The following SNX29 variants were observed in gnomAD, a reference collection of about 807,000 sequenced individuals.
SNX29 encodes the protein sorting nexin 29.
Under a neutral mutation model 102.1 loss-of-function variants are expected in SNX29, and 78 were observed. The ratio of observed to expected loss-of-function variants is 0.76; its 90% CI spans 0.64 to 0.92. The LOEUF is 0.92. Among genes scored for constraint, SNX29 ranks in the 40% least tolerant of loss-of-function variants. The probability of loss-of-function intolerance (pLI) is 0.00; values close to 1 mark genes in which losing one functional copy is unlikely to be tolerated. For synonymous variants in SNX29, 580 were observed against 414.5 expected, an observed-to-expected ratio of 1.40 and a Z score of -4.85; for missense variants, 1,280 against 1,061.7, an observed-to-expected ratio of 1.21 and a Z score of -2.86.
chr16:11,995,152 G>A (rs570055951), intron 1 of SNX29, among the ~76,000 whole-genome samples: 2 of 152,198 alleles, frequency 1.3e-5, no homozygotes, highest in Non-Finnish European at 1.5e-5. Context: ...TGTAACCTCC[G>A]TCTCCCAGGT....
chr16:12,390,146 A>AGGGG lies in SNX29; in HGVS notation c.1900-8299_1900-8296dup, dbSNP rs1482388851. 5.9e-3 allele frequency among the ~76,000 whole-genome samples: 675 copies of AGGGG among 113,662 alleles called. 8 individuals carry two copies. Among genetic ancestry groups the AGGGG allele is most frequent in the African/African-American group, 0.022 (643 of 28,958 alleles). The allele number at this position is 113,662 out of a possible 152,430, so 74.6% of individuals were successfully genotyped here. The stretch of plus-strand genomic sequence containing the variant: ...GCATGTTACCCCGTGCGTGCAATTG[A>AGGGG]GGGGTGTGTGTGTGTGTGTGTGTGT... On this transcript the variant is annotated intron_variant, in intron 16 of 20. Transcript: ENST00000566228.
At chr16:12,565,967 G>C (rs1301094951) in intron 20 of SNX29, among the ~76,000 whole-genome samples, 1 of 152,124 alleles carries the variant, frequency 6.6e-6, no homozygotes, top group Non-Finnish European at 1.5e-5. Context: ...TGACACTGTG[G>C]CTTTCCAAAC....
At chr16:12,432,632 G>C (rs1281601513) in intron 18 of SNX29, among the ~76,000 whole-genome samples, 1 of 152,234 alleles carries the variant, frequency 6.6e-6, no homozygotes, top group Non-Finnish European at 1.5e-5. Flanking sequence ...ACCTCCTGTA[G>C]GCCCAGGGGC....
At chr16:12,265,956 A>T (rs1467567418) in intron 14 of SNX29, among the ~76,000 whole-genome samples, 1 of 152,166 alleles carries the variant, frequency 6.6e-6, no homozygotes, top group African/African-American at 2.4e-5. Context: ...TATTTTTCTC[A>T]TGTTTAATTC....
chr16:12,200,436 A>G (rs1463474985), intron 14 of SNX29, among the ~76,000 whole-genome samples: 1 of 151,950 alleles, frequency 6.6e-6, no homozygotes, highest in Non-Finnish European at 1.5e-5. Context: ...AGACAAGCTC[A>G]TAGAGTGTGG....
chr16:12,455,948 G>T (rs1416635584), intron 18 of SNX29, among the ~76,000 whole-genome samples: 2 of 152,126 alleles, frequency 1.3e-5, no homozygotes, highest in African/African-American at 4.8e-5. Flanking sequence ...GGGCTCCTAG[G>T]GGTTTCCATC....
intron 20 of SNX29, among the ~76,000 whole-genome samples, 164 bp from the exon 21 acceptor site, chr16:12,568,342 G>T (rs752313469): frequency 6.6e-6 from 1 of 151,612 alleles, no homozygotes; most frequent in Admixed American, 6.6e-5. Context: ...TGACAATAGG[G>T]GTTTCTCATT....
At chr16:12,280,303 C>T (rs935856704) in intron 15 of SNX29, among the ~76,000 whole-genome samples, 2 of 152,142 alleles carry the variant, frequency 1.3e-5, no homozygotes, top group Non-Finnish European at 2.9e-5. Flanking sequence ...GTGTCACCAC[C>T]CGCTTTGCTT....
intron 3 of SNX29, among the ~76,000 whole-genome samples, chr16:12,021,809 C>G (rs1019925711): frequency 2.0e-5 from 3 of 151,350 alleles, no homozygotes; most frequent in East Asian, 3.9e-4. Context: ...AGGATAATCT[C>G]GAACGTGGGT....
intron 14 of SNX29, among the ~76,000 whole-genome samples, chr16:12,220,344 G>C (rs967420291): frequency 1.4e-5 from 2 of 144,166 alleles, no homozygotes; most frequent in African/African-American, 5.0e-5. Flanking sequence ...GGGAGGGAGG[G>C]AGAGCAACAG....
At chr16:12,469,893 C>T (rs1487334386) in intron 18 of SNX29, among the ~76,000 whole-genome samples, 1 of 152,156 alleles carries the variant, frequency 6.6e-6, no homozygotes, top group African/African-American at 2.4e-5. Context: ...GCCTGTAATC[C>T]CACCTACTTA....
intron 14 of SNX29, among the ~76,000 whole-genome samples, chr16:12,240,307 G>A (rs2078063228): frequency 6.6e-6 from 1 of 152,200 alleles, no homozygotes; most frequent in African/African-American, 2.4e-5. Flanking sequence ...AACATGTATT[G>A]ACGCCAGCTG....
intron 15 of SNX29, among the ~76,000 whole-genome samples, chr16:12,318,346 G>A (rs992073552): frequency 6.6e-6 from 1 of 152,200 alleles, no homozygotes; most frequent in Admixed American, 6.5e-5. Flanking sequence ...TTTTCTCTGG[G>A]TATTTTGCCT....
chr16:12,174,569 T>C (rs945866520), intron 13 of SNX29, among the ~76,000 whole-genome samples: 3 of 152,208 alleles, frequency 2.0e-5, no homozygotes, highest in Admixed American at 6.5e-5. Context: ...TGACCCAAGC[T>C]GGGCTGGAAG....
chr16:12,090,347 G>C (rs1319071793), intron 11 of SNX29: 1 of 152,256 alleles, frequency 6.6e-6, no homozygotes, highest in Non-Finnish European at 1.5e-5. Flanking sequence ...CGGGGCTCTA[G>C]TTCTTCCGGG....
chr16:12,149,223 G>C (rs2055194656), intron 13 of SNX29, among the ~76,000 whole-genome samples: 4 of 152,198 alleles, frequency 2.6e-5, no homozygotes, highest in Non-Finnish European at 5.9e-5. Context: ...TGTGTTCTTG[G>C]CAGCAGGAAG....
chr16:12,336,243 G>T (rs960276063), intron 15 of SNX29, among the ~76,000 whole-genome samples: 3 of 152,132 alleles, frequency 2.0e-5, no homozygotes, highest in Admixed American at 6.6e-5. Context: ...TTGGTTTGGC[G>T]CTCACTGTAA....
intron 18 of SNX29, among the ~76,000 whole-genome samples, chr16:12,455,584 A>C (rs2086501415): frequency 6.6e-6 from 1 of 152,186 alleles, no homozygotes. Context: ...CCTCTGTCTT[A>C]GGTGAGACTT....
At chr16:12,344,175 A>G (rs1336433368) in intron 15 of SNX29, among the ~76,000 whole-genome samples, 2 of 152,220 alleles carry the variant, frequency 1.3e-5, no homozygotes, top group East Asian at 1.9e-4. Flanking sequence ...TTGTGAGTCC[A>G]TTAAACCTCT....
Sources: allele counts gnomAD v4.1 joint callset (sites outside exome capture counted in the v4.1 genomes callset), GRCh38; gene constraint gnomAD v4.1.1; transcripts MANE v1.5; gene names NCBI Gene and HGNC (gene_info 2026-07-23, HGNC 2026-07-21).